Variants in NKAIN3 observed in about 807,000 individuals in gnomAD.
NKAIN3 encodes sodium/potassium transporting ATPase interacting 3.
NKAIN3 carries 25 observed loss-of-function variants against 30.2 expected under a neutral mutation model. The observed-to-expected ratio is 0.83, with a 90% confidence interval of 0.60 to 1.16. The LOEUF (loss-of-function observed/expected upper bound fraction) is 1.16. Ranked by LOEUF, NKAIN3 falls within the 50% of genes most tolerant of loss-of-function variation. The pLI, the probability that NKAIN3 is intolerant of heterozygous loss-of-function variation, is 0.00. For synonymous variants in NKAIN3, 91 were observed against 89.6 expected (o/e 1.02, Z -0.09); for missense variants, 225 against 254.1 (o/e 0.89, Z 0.78).
chr8:62,776,747 A>G (rs2130645730), intron 4 of NKAIN3, among the ~76,000 whole-genome samples: 1 of 152,202 alleles, frequency 6.6e-6, no homozygotes, highest in Admixed American at 6.5e-5. Context: ...ATACACCATG[A>G]TTATGGTATT....
rs1010778566 is a variant in NKAIN3, at chr8:62,921,053, T to C, written c.532+2540T>C. On this transcript the variant is annotated intron_variant, in intron 5 of 6. Transcript: ENST00000623646. ...CAATTGCAATGATCTCATACACTAG[T>C]ACTATTTGTGCCAACACTTAGCTTT... Among the ~76,000 whole-genome samples the C allele has an allele frequency of 6.6e-5, 10 of 152,168 alleles. 1 individual carries two copies. The highest frequency in any genetic ancestry group is 5.9e-4 in the Admixed American group (9 of 15,280).
chr8:62,633,045 G>A (rs1171448766), intron 3 of NKAIN3, among the ~76,000 whole-genome samples: 8 of 152,044 alleles, frequency 5.3e-5, no homozygotes, highest in South Asian at 2.1e-4. Context: ...TGTAGAGGCC[G>A]TGAAGTATGG....
chr8:62,478,779 T>C (rs1806603146), intron 1 of NKAIN3, among the ~76,000 whole-genome samples: 1 of 152,194 alleles, frequency 6.6e-6, no homozygotes, highest in Non-Finnish European at 1.5e-5. Context: ...GTTAGGGGGT[T>C]GCTGACCCGT....
intron 1 of NKAIN3, among the ~76,000 whole-genome samples, chr8:62,323,103 T>C (rs1197228990): frequency 1.3e-5 from 2 of 152,166 alleles, no homozygotes; most frequent in African/African-American, 4.8e-5. Context: ...GTAGAGGCAT[T>C]TTGGAAGACA....
At position 62,780,687 on chromosome 8, in the gene NKAIN3, A is replaced by G. The variant is rs139366191; in HGVS notation, c.471+33558A>G. 6.8e-4 allele frequency among the ~76,000 whole-genome samples: 103 copies of G among 152,318 alleles called. 1 individual carries two copies. In the Middle Eastern group the frequency reaches 0.01, roughly 15 times the overall value. On this transcript the variant is annotated intron_variant, in intron 4 of 6. Transcript: ENST00000623646. ...ATAGACAGAATTAAAGACAAAAGTC[A>G]TATGATAATTTTATTAGATGCAGAA...
At chr8:62,418,483 G>C (rs560794906) in intron 1 of NKAIN3, among the ~76,000 whole-genome samples, 64 of 152,128 alleles carry the variant, frequency 4.2e-4, no homozygotes, top group Non-Finnish European at 7.5e-4. Flanking sequence ...CTAGGAGATA[G>C]ACTATTGCTC....
In NKAIN3 at chr8:62,691,783, G is replaced by A. The variant is rs1813975038; in HGVS notation, c.274-55149G>A. Among the ~76,000 whole-genome samples, 3 of 152,262 alleles carry A rather than the reference G, an allele frequency of 2.0e-5. No individual in the cohort carries two copies. The South Asian group carries it at 6.2e-4, about 32-fold the overall frequency. ...CATGGAAGTGAGGAGGTATGAGCTG[G>A]CACATTGTGTCAGTTAGCTATTTAA... On this transcript the variant is annotated intron_variant, in intron 3 of 6. Transcript: ENST00000623646.
chr8:62,469,516 C>T (rs1480582704), intron 1 of NKAIN3, among the ~76,000 whole-genome samples: 2 of 152,132 alleles, frequency 1.3e-5, no homozygotes, highest in African/African-American at 2.4e-5. Context: ...AGGCAGAGTG[C>T]GGACACAGAG....
chr8:62,540,306 G>A (rs769360109), intron 1 of NKAIN3, among the ~76,000 whole-genome samples: 8 of 151,764 alleles, frequency 5.3e-5, no homozygotes, highest in Non-Finnish European at 1.2e-4. Context: ...AACATTTTTC[G>A]CTATCCCCTA....
chr8:62,386,096 G>A (rs997240291), intron 1 of NKAIN3, among the ~76,000 whole-genome samples: 3 of 152,106 alleles, frequency 2.0e-5, no homozygotes, highest in Non-Finnish European at 4.4e-5. Context: ...TCTTGCTTGC[G>A]GGTATGTTTA....
intron 3 of NKAIN3, among the ~76,000 whole-genome samples, chr8:62,677,473 C>T (rs1246135482): frequency 1.3e-5 from 2 of 152,208 alleles, no homozygotes; most frequent in African/African-American, 4.8e-5. Context: ...CCATTGAGAG[C>T]TATGTGGTGC....
chr8:62,774,945 C>T (rs543961198), intron 4 of NKAIN3, among the ~76,000 whole-genome samples: 1 of 152,202 alleles, frequency 6.6e-6, no homozygotes, highest in South Asian at 2.1e-4. Context: ...ATTTCCTCCT[C>T]CTGTATTGTT....
In NKAIN3 at chr8:62,535,871, A is replaced by G. The variant is rs550791951; in HGVS notation, c.55-43668A>G. On this transcript the variant is annotated intron_variant, in intron 1 of 6. Transcript: ENST00000623646. ...CCCACAATCAGAAAGTCCAGGGAAGATTAGAGTCCTACTTTGGGCAGGTAA... is the reference window on the plus strand; with the variant it reads ...CCCACAATCAGAAAGTCCAGGGAAGGTTAGAGTCCTACTTTGGGCAGGTAA... Among the ~76,000 whole-genome samples the G allele has an allele frequency of 3.3e-5, 5 of 152,256 alleles. No individual in the cohort carries two copies. In the South Asian group the frequency reaches 1.0e-3, roughly 32 times the overall value.
Position 62,864,248 on chromosome 8 carries a change from G to A in NKAIN3, c.472-54205G>A, listed in dbSNP as rs1366158360. ...AACTAAAAACAGCAGGATTAGAGGA[G>A]GCGGCCGAGGCAGACGGCAAAGGAC... On this transcript the variant is annotated intron_variant, in intron 4 of 6. Transcript: ENST00000623646. The A allele has an allele frequency of 5.9e-6, 5 of 854,344 alleles. No homozygotes were observed. The Admixed American group carries it at 1.2e-4, about 20-fold the overall frequency. The allele number at this position is 854,344 out of a possible 1,614,324, so 52.9% of individuals were successfully genotyped here. A position where few individuals can be genotyped will look rare whatever the true frequency, so the allele number is the denominator to read the frequency against.
At chr8:62,869,853 C>T (rs546264985) in intron 4 of NKAIN3, among the ~76,000 whole-genome samples, 12 of 152,170 alleles carry the variant, frequency 7.9e-5, no homozygotes, top group African/African-American at 1.2e-4. Flanking sequence ...CTGCAAGCTC[C>T]GCCTCCCGAG....
At chr8:62,870,297 TATAC>T (rs373467521) in intron 4 of NKAIN3, among the ~76,000 whole-genome samples, 4 of 109,662 alleles carry the variant, frequency 3.6e-5, no homozygotes, top group African/African-American at 7.9e-5. Flanking sequence ...TATAGATATA[TATAC>T]ATCTATATAT....
At chr8:62,750,574 C>A (rs978460460) in intron 4 of NKAIN3, among the ~76,000 whole-genome samples, 19 of 152,148 alleles carry the variant, frequency 1.2e-4, no homozygotes, top group African/African-American at 4.6e-4. Context: ...TCTGCCGGCG[C>A]CTCTGTCCCT....
At chr8:62,564,690 G>GAA (rs1563459581) in intron 1 of NKAIN3, among the ~76,000 whole-genome samples, 1 of 151,916 alleles carries the variant, frequency 6.6e-6, no homozygotes, top group African/African-American at 2.4e-5. Context: ...ACAGAACAGA[G>GAA]CAGGTTATGG....
At chr8:62,786,179 A>G (rs1235237526) in intron 4 of NKAIN3, among the ~76,000 whole-genome samples, 3 of 152,050 alleles carry the variant, frequency 2.0e-5, no homozygotes. Flanking sequence ...GATAGATGAT[A>G]CTCCCATAAC....
Sources: gnomAD v4.1 joint callset for allele counts (sites outside exome capture counted in the v4.1 genomes callset) on GRCh38, gnomAD v4.1.1 for gene constraint, MANE v1.5 for transcripts, NCBI Gene and HGNC (gene_info 2026-07-23, HGNC 2026-07-21) for gene names.